Variants in ZBTB20 observed in about 807,000 individuals in gnomAD.
ZBTB20 encodes zinc finger and BTB domain containing 20, also known as zinc finger and BTB domain-containing protein 20.
ZBTB20 carries 9 observed loss-of-function variants against 56.9 expected under a neutral mutation model. The observed-to-expected ratio is 0.16, with a 90% CI of 0.10 to 0.28. ZBTB20 has a LOEUF of 0.28. Ranked by LOEUF, ZBTB20 falls within the 10% of genes least tolerant of loss-of-function variation. The pLI is 1.00. For missense variants in ZBTB20, 655 were observed against 1,003.0 expected (o/e 0.65, Z 4.69); for synonymous variants, 417 against 420.7 (o/e 0.99, Z 0.11).
chr3:114,485,264 TAC>T (rs2041993960), intron 7 of ZBTB20, among the ~76,000 whole-genome samples: 1 of 152,252 alleles, frequency 6.6e-6, no homozygotes, highest in African/African-American at 2.4e-5. Context: ...ACTAAAACCC[TAC>T]ACAATCCTAG....
intron 7 of ZBTB20, among the ~76,000 whole-genome samples, chr3:114,488,184 CTGAAGGGCGG>C (rs1559859939): frequency 6.6e-6 from 1 of 152,190 alleles, no homozygotes; most frequent in Non-Finnish European, 1.5e-5. Context: ...CAACACTCCC[CTGAAGGGCGG>C]TGAGGGTAGG....
intron 1 of ZBTB20, among the ~76,000 whole-genome samples, chr3:115,130,151 A>G (rs1365653052): frequency 2.0e-5 from 3 of 152,234 alleles, no homozygotes; most frequent in African/African-American, 7.2e-5. Flanking sequence ...ATCCTGAGAT[A>G]CAAAAGTCAA....
intron 6 of ZBTB20, among the ~76,000 whole-genome samples, chr3:114,508,248 C>T (rs1370609584): frequency 2.0e-5 from 3 of 152,108 alleles, no homozygotes; most frequent in East Asian, 1.9e-4. Flanking sequence ...TAATAACAGA[C>T]TCACAGATAA....
At chr3:115,061,159 A>C (rs1254754633) in intron 2 of ZBTB20, among the ~76,000 whole-genome samples, 1 of 152,156 alleles carries the variant, frequency 6.6e-6, no homozygotes, top group Non-Finnish European at 1.5e-5. Context: ...TTCAGTTAAC[A>C]CATCTATAAA....
intron 5 of ZBTB20, among the ~76,000 whole-genome samples, chr3:114,792,351 C>T (rs2071021482): frequency 6.6e-6 from 1 of 152,080 alleles, no homozygotes. Flanking sequence ...TGCCAAAGAA[C>T]AAAGTCCCTT....
At chr3:115,101,752 A>G (rs1025170810) in intron 1 of ZBTB20, among the ~76,000 whole-genome samples, 23 of 152,218 alleles carry the variant, frequency 1.5e-4, no homozygotes, top group African/African-American at 5.1e-4. Flanking sequence ...CGTTTGGGCA[A>G]CAATAATCCT....
chr3:114,715,030 A>T (rs973883143), intron 5 of ZBTB20, among the ~76,000 whole-genome samples: 17 of 152,190 alleles, frequency 1.1e-4, no homozygotes, highest in Non-Finnish European at 2.5e-4. Flanking sequence ...GCTAAATTCT[A>T]GCAATTGGAT....
intron 3 of ZBTB20, among the ~76,000 whole-genome samples, chr3:114,922,966 C>T (rs566116385): frequency 1.2e-4 from 18 of 152,208 alleles, no homozygotes; most frequent in South Asian, 6.2e-4. Flanking sequence ...AATTATAAAA[C>T]GATTCCACTT....
At chr3:114,468,526 T>C (rs2092637234) in intron 7 of ZBTB20, among the ~76,000 whole-genome samples, 2 of 152,198 alleles carry the variant, frequency 1.3e-5, no homozygotes, top group South Asian at 4.1e-4. Context: ...GATGTATACA[T>C]AGTTTAGTAA....
intron 5 of ZBTB20, among the ~76,000 whole-genome samples, chr3:114,745,156 GGAA>G (rs1200462217): frequency 6.6e-6 from 1 of 152,116 alleles, no homozygotes; most frequent in African/African-American, 2.4e-5. Context: ...TGAATAGAAA[GGAA>G]GAAGAGAGTG....
At chr3:114,919,504 G>A (rs1195788910) in intron 3 of ZBTB20, among the ~76,000 whole-genome samples, 2 of 151,952 alleles carry the variant, frequency 1.3e-5, no homozygotes, top group Admixed American at 6.6e-5. Context: ...TCAGGAGTTC[G>A]AGACCATCCT....
chr3:114,865,581 T>C (rs1341948361), intron 4 of ZBTB20, among the ~76,000 whole-genome samples: 1 of 152,204 alleles, frequency 6.6e-6, no homozygotes. Flanking sequence ...TTACAATTAT[T>C]CTGAATGAAA....
chr3:114,753,766 CT>C (rs994542605), intron 5 of ZBTB20, among the ~76,000 whole-genome samples: 7 of 151,956 alleles, frequency 4.6e-5, no homozygotes, highest in African/African-American at 1.7e-4. Context: ...AATTTTGTTC[CT>C]TTCCTACCCC....
intron 5 of ZBTB20, among the ~76,000 whole-genome samples, chr3:114,764,818 T>C (rs536077859): frequency 2.8e-4 from 42 of 152,276 alleles, no homozygotes; most frequent in East Asian, 7.7e-4. Flanking sequence ...CAAGTTAACA[T>C]AGTCAAAAAC....
At chr3:114,950,010 TA>T (rs971553747) in intron 3 of ZBTB20, among the ~76,000 whole-genome samples, 1 of 152,174 alleles carries the variant, frequency 6.6e-6, no homozygotes, top group Non-Finnish European at 1.5e-5. Flanking sequence ...TTAATTTCAC[TA>T]ATCATTAGAG....
chr3:114,315,555 G>C lies in ZBTB20; in HGVS notation c.*23450C>G. 7.4e-6 allele frequency: 1 copy of C among 134,586 alleles called. No homozygotes were observed. The highest frequency in any genetic ancestry group is 2.3e-4 in the East Asian group (1 of 4,370). The allele number at this position is 134,586 out of a possible 1,614,324, so 8.3% of individuals were successfully genotyped here. A position where few individuals can be genotyped will look rare whatever the true frequency, so the allele number is the denominator to read the frequency against. ...TGTGTGCGTGGGTGTGTGTATTTTA[G>C]GTCTAAACATACAGTGTGTGTGTGT... On this transcript the variant is annotated 3_prime_UTR_variant, in exon 12 of 12. Transcript: ENST00000675478.
chr3:114,582,545 A>C (rs1160365673), intron 6 of ZBTB20, among the ~76,000 whole-genome samples: 2 of 151,838 alleles, frequency 1.3e-5, no homozygotes, highest in African/African-American at 4.8e-5. Context: ...ATGCCTGGCT[A>C]ATTTTTGTAT....
At position 115,087,155 on chromosome 3, in the gene ZBTB20, A is replaced by C. The variant is rs114828625; in HGVS notation, c.-702-15741T>G. 2.7e-3 allele frequency among the ~76,000 whole-genome samples: 412 copies of C among 151,884 alleles called. 1 individual carries two copies. The highest frequency in any genetic ancestry group is 9.6e-3 in the African/African-American group (400 of 41,504). On this transcript the variant is annotated intron_variant, in intron 1 of 11. Coordinates refer to ENST00000675478, the MANE Select transcript of ZBTB20 (RefSeq NM_001348800.3). Reference sequence around the variant, plus strand: ...CTTTCCAACTTAAATCCATCTAATGATATCAATTTAGGAGGAAAAGGTATC... The same window carrying C: ...CTTTCCAACTTAAATCCATCTAATGCTATCAATTTAGGAGGAAAAGGTATC...
chr3:115,045,519 A>C (rs2081301708), intron 2 of ZBTB20, among the ~76,000 whole-genome samples: 2 of 151,974 alleles, frequency 1.3e-5, no homozygotes, highest in East Asian at 3.8e-4. Context: ...AAGTTTGTTT[A>C]CTGGTATTGT....
Sources: allele counts gnomAD v4.1 joint callset (sites outside exome capture counted in the v4.1 genomes callset), GRCh38; gene constraint gnomAD v4.1.1; transcripts MANE v1.5; gene names NCBI Gene and HGNC (gene_info 2026-07-23, HGNC 2026-07-21).